LARGE1: variants seen among roughly 807,000 people sequenced by gnomAD.
The protein encoded by LARGE1 is LARGE xylosyl- and glucuronyltransferase 1.
LARGE1 carries 43 observed loss-of-function variants against 87.6 expected under a neutral mutation model. That is an observed-to-expected ratio of 0.49 (90% CI 0.38 to 0.63). The LOEUF (loss-of-function observed/expected upper bound fraction) is 0.63. LARGE1 is among the 30% of genes least tolerant of loss of function. The probability of loss-of-function intolerance (pLI) is 0.00; values close to 1 mark genes in which losing one functional copy is unlikely to be tolerated. For synonymous variants in LARGE1, 434 were observed against 394.6 expected, an observed-to-expected ratio of 1.10 and a Z score of -1.18; for missense variants, 802 against 1,000.2, an observed-to-expected ratio of 0.80 and a Z score of 2.67.
intron 11 of LARGE1, among the ~76,000 whole-genome samples, chr22:33,315,527 G>A (rs560952002): frequency 3.9e-5 from 6 of 152,248 alleles, no homozygotes; most frequent in African/African-American, 1.4e-4. Context: ...CTTAAGAATC[G>A]ATCCTTTCAT....
At chr22:33,534,991 T>C (rs1482733923) in intron 6 of LARGE1, among the ~76,000 whole-genome samples, 3 of 152,222 alleles carry the variant, frequency 2.0e-5, no homozygotes, top group Non-Finnish European at 4.4e-5. Flanking sequence ...GCACTTGGCA[T>C]ATCCCAAGCA....
chr22:33,631,253 G>A (rs1296672854), intron 3 of LARGE1, among the ~76,000 whole-genome samples: 1 of 151,926 alleles, frequency 6.6e-6, no homozygotes, highest in East Asian at 1.9e-4. Context: ...CGACAGCCTC[G>A]AAGTCCTGGG....
chr22:33,593,231 C>T (rs908442609), intron 5 of LARGE1, among the ~76,000 whole-genome samples: 1 of 151,354 alleles, frequency 6.6e-6, no homozygotes, highest in East Asian at 1.9e-4. Flanking sequence ...TTGGTAGAGA[C>T]GGGGTTTCGC....
chr22:33,903,573 T>G (rs1332299541), intron 1 of LARGE1, among the ~76,000 whole-genome samples: 2 of 151,982 alleles, frequency 1.3e-5, no homozygotes, highest in Admixed American at 1.3e-4. Flanking sequence ...ACGCCTGTAA[T>G]CTCAGCACTT....
intron 9 of LARGE1, among the ~76,000 whole-genome samples, chr22:33,376,094 A>C (rs576797079): frequency 2.6e-5 from 4 of 152,350 alleles, no homozygotes; most frequent in African/African-American, 7.2e-5. Context: ...GAAATATTTT[A>C]ATAAAAATTG....
At chr22:33,163,357 T>A (rs1922102131) in exon 12 of LARGE1, 1 of 152,202 alleles carries the variant, frequency 6.6e-6, no homozygotes, top group Non-Finnish European at 1.5e-5. Context: ...TTTACTGATG[T>A]AGGAAAAAAA....
At chr22:33,319,536 C>T (rs1288083181) in intron 10 of LARGE1, among the ~76,000 whole-genome samples, 1 of 152,168 alleles carries the variant, frequency 6.6e-6, no homozygotes, top group East Asian at 1.9e-4. Context: ...GCTGTGATCA[C>T]AGGCACTCAC....
At chr22:33,510,422 A>G (rs560927608) in intron 6 of LARGE1, among the ~76,000 whole-genome samples, 1 of 152,350 alleles carries the variant, frequency 6.6e-6, no homozygotes, top group Admixed American at 6.5e-5. Context: ...GTGCTAGTAA[A>G]AAGTGGAGGT....
chr22:33,787,339 G>A (rs533130859), intron 1 of LARGE1, among the ~76,000 whole-genome samples: 1 of 152,210 alleles, frequency 6.6e-6, no homozygotes, highest in South Asian at 2.1e-4. Context: ...TGAGTGCACT[G>A]ATCAGGACAT....
chr22:33,386,235 C>T (rs1376084100), intron 7 of LARGE1, among the ~76,000 whole-genome samples: 2 of 148,722 alleles, frequency 1.3e-5, no homozygotes, highest in African/African-American at 4.9e-5. Flanking sequence ...GGTGAGGAAA[C>T]TGAGGGGCTA....
At chr22:33,805,565 C>A (rs1173122677) in intron 1 of LARGE1, among the ~76,000 whole-genome samples, 1 of 151,962 alleles carries the variant, frequency 6.6e-6, no homozygotes, top group Non-Finnish European at 1.5e-5. Flanking sequence ...GAAACCCTAT[C>A]TCTGCAAAAA....
chr22:33,451,413 A>G (rs2067915418), intron 6 of LARGE1, among the ~76,000 whole-genome samples: 1 of 151,608 alleles, frequency 6.6e-6, no homozygotes, highest in Non-Finnish European at 1.5e-5. Flanking sequence ...GGTTACATGA[A>G]TAAGTTCTTT....
chr22:33,420,762 A>G (rs1216399192), intron 7 of LARGE1, among the ~76,000 whole-genome samples: 1 of 152,226 alleles, frequency 6.6e-6, no homozygotes, highest in South Asian at 2.1e-4. Flanking sequence ...TGTCCAACAA[A>G]TGAATGAACA....
At position 33,833,725 on chromosome 22, in the gene LARGE1, T is replaced by C. The variant is rs889806390; in HGVS notation, c.-82-72167A>G. ...TTTTGCAGATGGAGCTTCACTCTTG[T>C]TGCCCAGGCTGGAGTGCAATGGCGT... On this transcript the variant is annotated intron_variant, in intron 1 of 14. Coordinates refer to ENST00000397394, the MANE Select transcript of LARGE1 (RefSeq NM_133642.5). Among the ~76,000 whole-genome samples, 22 of 152,338 alleles carry C rather than the reference T, an allele frequency of 1.4e-4. 1 individual carries two copies. Among genetic ancestry groups the C allele is most frequent in the Admixed American group, 3.3e-4 (5 of 15,298 alleles).
chr22:33,759,860 T>C (rs2084659111), intron 2 of LARGE1, among the ~76,000 whole-genome samples: 1 of 152,142 alleles, frequency 6.6e-6, no homozygotes, highest in South Asian at 2.1e-4. Flanking sequence ...TGCCATGGCA[T>C]AATTGGCTCT....
Position 33,283,297 on chromosome 22 carries a change from G to A in LARGE1, c.1782C>T (p.Val594=). The A allele has an allele frequency of 6.2e-7, 1 of 1,614,174 alleles. No individual in the cohort carries two copies. The highest frequency in any genetic ancestry group is 8.5e-7 in the Non-Finnish European group (1 of 1,180,018). The stretch of plus-strand genomic sequence containing the variant: ...GGTAGCGCAGTGTCTCGAACGCGGG[G>A]ACAATCATTGCTTTCTTGGTGTTGG... ...DLANTKKAMI[V]PAFETLRYRL... The change falls in exon 13 of 15, where the codon GTC becomes GTT. Residue 594 remains valine (V), a synonymous_variant. Transcript: ENST00000397394.
chr22:33,262,829 T>G (rs1326152605), intron 11 of LARGE1, among the ~76,000 whole-genome samples: 2 of 150,278 alleles, frequency 1.3e-5, no homozygotes, highest in Non-Finnish European at 3.0e-5. Context: ...CCTGACTTCC[T>G]TCCTTCACTC....
chr22:33,075,228 G>T, the LARGE1 span, among the ~76,000 whole-genome samples: 1 of 152,118 alleles, frequency 6.6e-6, no homozygotes, highest in Non-Finnish European at 1.5e-5. Context: ...AGGGAGATAT[G>T]GTAGCTATTA....
intron 10 of LARGE1, among the ~76,000 whole-genome samples, chr22:33,334,428 A>C (rs1190904010): frequency 4.0e-5 from 6 of 151,494 alleles, no homozygotes; most frequent in African/African-American, 7.3e-5. Flanking sequence ...AAAAACAAAA[A>C]AAAAAAACAC....
Sources: gnomAD v4.1 joint callset for allele counts (sites outside exome capture counted in the v4.1 genomes callset) on GRCh38, gnomAD v4.1.1 for gene constraint, MANE v1.5 for transcripts, NCBI Gene and HGNC (gene_info 2026-07-23, HGNC 2026-07-21) for gene names.